The following ULK4 variants were observed in gnomAD, a reference collection of about 807,000 sequenced individuals.
ULK4 encodes the protein inactive serine/threonine-protein kinase ULK4.
Under a neutral mutation model 160.6 loss-of-function variants are expected in ULK4, and 133 were observed. That is an observed-to-expected ratio of 0.83 (90% CI 0.72 to 0.96). The LOEUF (loss-of-function observed/expected upper bound fraction) is 0.96, where lower values mean the gene tolerates loss of function less well. ULK4 is among the 40% of genes least tolerant of loss of function. The pLI is 0.00. For missense variants in ULK4, 1,580 were observed against 1,499.5 expected (o/e 1.05, Z -0.89); for synonymous variants, 534 against 539.8 (o/e 0.99, Z 0.15).
At chr3:41,461,531 T>C (rs541570042) in intron 33 of ULK4, among the ~76,000 whole-genome samples, 1 of 152,136 alleles carries the variant, frequency 6.6e-6, no homozygotes, top group Non-Finnish European at 1.5e-5. Flanking sequence ...TGGCAGATAT[T>C]ATGAGGGATG....
intron 35 of ULK4, among the ~76,000 whole-genome samples, chr3:41,275,894 T>C (rs973110963): frequency 5.9e-5 from 9 of 152,220 alleles, no homozygotes; most frequent in East Asian, 5.8e-4. Context: ...TCTGTCCTCA[T>C]TGGGTATGGG....
At chr3:41,644,164 C>A (rs2034370546) in intron 30 of ULK4, among the ~76,000 whole-genome samples, 1 of 152,006 alleles carries the variant, frequency 6.6e-6, no homozygotes, top group Admixed American at 6.6e-5. Flanking sequence ...TTCCTTTTTT[C>A]CTAATTGAAT....
chr3:41,247,350 CCA>C (rs1040236446), intron 36 of ULK4, among the ~76,000 whole-genome samples: 1 of 152,218 alleles, frequency 6.6e-6, no homozygotes, highest in Non-Finnish European at 1.5e-5. Context: ...CAGACCCACT[CCA>C]CACACTGACC....
Position 41,292,075 on chromosome 3 carries a change from C to T in ULK4, c.3679-42501G>A, listed in dbSNP as rs147586784. Among the ~76,000 whole-genome samples, 1,036 of 151,986 alleles carry T rather than the reference C, an allele frequency of 6.8e-3. 10 individuals carry two copies. The highest frequency in any genetic ancestry group is 0.022 in the African/African-American group (924 of 41,456). ...GTCTCGATCTCCTGACCTCACAATCCGCCTGCCTCAGCCTCCCAAAGTGCT... is the reference window on the plus strand; with the variant it reads ...GTCTCGATCTCCTGACCTCACAATCTGCCTGCCTCAGCCTCCCAAAGTGCT... On this transcript the variant is annotated intron_variant, in intron 35 of 36. Coordinates refer to ENST00000301831, the MANE Select transcript of ULK4 (RefSeq NM_017886.4).
chr3:41,448,780 G>A (rs965459383), intron 34 of ULK4, among the ~76,000 whole-genome samples: 3 of 152,332 alleles, frequency 2.0e-5, no homozygotes, highest in Admixed American at 6.5e-5. Flanking sequence ...GCAGGATGGC[G>A]AAGGAAAAGA....
chr3:41,495,968 TAA>T (rs2084973309), intron 32 of ULK4, among the ~76,000 whole-genome samples: 1 of 151,982 alleles, frequency 6.6e-6, no homozygotes, highest in African/African-American at 2.4e-5. Context: ...CCAGAAGCCA[TAA>T]AAGATTTATA....
intron 35 of ULK4, among the ~76,000 whole-genome samples, chr3:41,395,625 G>C (rs905968127): frequency 1.3e-5 from 2 of 152,154 alleles, no homozygotes; most frequent in Non-Finnish European, 2.9e-5. Context: ...CTGGGAGAAG[G>C]AGGAGTGGGA....
At chr3:41,475,099 T>A (rs2084099874) in intron 32 of ULK4, among the ~76,000 whole-genome samples, 1 of 152,128 alleles carries the variant, frequency 6.6e-6, no homozygotes, top group African/African-American at 2.4e-5. Context: ...TAGGTGTCCA[T>A]CAGCAGATAA....
At chr3:41,919,689 AT>A in intron 6 of ULK4, 27 bp downstream of exon 6, 1 of 1,584,942 alleles carries the variant, frequency 6.3e-7, no homozygotes, top group Non-Finnish European at 8.7e-7. Flanking sequence ...TCCAGCTCTG[AT>A]TTTATACCTA....
intron 30 of ULK4, among the ~76,000 whole-genome samples, chr3:41,655,829 T>C (rs1029836903): frequency 6.6e-6 from 1 of 152,228 alleles, no homozygotes; most frequent in African/African-American, 2.4e-5. Context: ...TTAACAAATA[T>C]CTCAAACATC....
intron 32 of ULK4, among the ~76,000 whole-genome samples, chr3:41,548,239 A>G (rs1297582665): frequency 6.6e-6 from 1 of 152,104 alleles, no homozygotes; most frequent in African/African-American, 2.4e-5. Flanking sequence ...AGGTGTCCAC[A>G]CACATCTCCC....
At chr3:41,641,059 T>C (rs563541437) in intron 30 of ULK4, among the ~76,000 whole-genome samples, 10 of 152,268 alleles carry the variant, frequency 6.6e-5, no homozygotes, top group Admixed American at 5.2e-4. Context: ...TGCATTGAGT[T>C]TGATTGAGTT....
intron 17 of ULK4, among the ~76,000 whole-genome samples, chr3:41,860,161 C>T (rs1412153506): frequency 6.6e-6 from 1 of 152,078 alleles, no homozygotes; most frequent in African/African-American, 2.4e-5. Flanking sequence ...TGTGGTCTAA[C>T]CTTGAGAATA....
intron 35 of ULK4, among the ~76,000 whole-genome samples, chr3:41,371,759 C>T (rs1450698333): frequency 1.3e-5 from 2 of 151,944 alleles, no homozygotes; most frequent in South Asian, 2.1e-4. Flanking sequence ...CATAACTCCT[C>T]GCCAGTGAGG....
rs549112517 is a variant in ULK4, at chr3:41,749,265, T to C, written c.2321+5096A>G. Among the ~76,000 whole-genome samples the C allele has an allele frequency of 4.5e-3, 682 of 152,194 alleles. 4 individuals carry two copies. The highest frequency in any genetic ancestry group is 0.017 in the Middle Eastern group (5 of 294). ...TGGGAGGCCAAGGCAGGTGGATCACTTCAGGTCAGCAGTTCGAGACCAGTC... is the reference window on the plus strand; with the variant it reads ...TGGGAGGCCAAGGCAGGTGGATCACCTCAGGTCAGCAGTTCGAGACCAGTC... On this transcript the variant is annotated intron_variant, in intron 22 of 36. Transcript: ENST00000301831.
chr3:41,683,456 A>G (rs2125793375), intron 27 of ULK4, among the ~76,000 whole-genome samples: 1 of 151,710 alleles, frequency 6.6e-6, no homozygotes, highest in Middle Eastern at 3.4e-3. Flanking sequence ...GGACAGCTGG[A>G]CGTGACCCCT....
intron 17 of ULK4, among the ~76,000 whole-genome samples, chr3:41,870,272 T>C (rs1697041416): frequency 6.6e-6 from 1 of 152,222 alleles, no homozygotes; most frequent in Non-Finnish European, 1.5e-5. Flanking sequence ...TTTTCAACAA[T>C]TATCCCTTCA....
chr3:41,294,778 C>A (rs2125705963), intron 35 of ULK4, among the ~76,000 whole-genome samples: 1 of 152,180 alleles, frequency 6.6e-6, no homozygotes, highest in Non-Finnish European at 1.5e-5. Flanking sequence ...CTACAAAAAT[C>A]TGATGAATGA....
intron 27 of ULK4, among the ~76,000 whole-genome samples, chr3:41,703,806 G>A (rs1047620255): frequency 5.4e-5 from 8 of 148,552 alleles, no homozygotes; most frequent in Non-Finnish European, 1.2e-4. Flanking sequence ...ACAGAATATA[G>A]TATTTAAGTG....
Sources: allele counts gnomAD v4.1 joint callset (sites outside exome capture counted in the v4.1 genomes callset), GRCh38; gene constraint gnomAD v4.1.1; transcripts MANE v1.5; gene names NCBI Gene and HGNC (gene_info 2026-07-23, HGNC 2026-07-21).